The following LAMA2 variants were observed in gnomAD, a reference collection of about 807,000 sequenced individuals.
LAMA2 encodes the protein laminin subunit alpha 2, also known as laminin subunit alpha-2.
In LAMA2, 269 loss-of-function variants were observed where a neutral mutation model predicts 364.8. That is an observed-to-expected ratio of 0.74 (90% CI 0.67 to 0.82). The LOEUF is 0.82. Among genes scored for constraint, LAMA2 ranks in the 40% least tolerant of loss-of-function variants. The pLI is 0.00. For missense variants in LAMA2, 3,807 were observed against 3,873.2 expected (o/e 0.98, Z 0.45); for synonymous variants, 1,379 against 1,370.6 (o/e 1.01, Z -0.14).
chr6:129,349,357 G>A lies in LAMA2; in HGVS notation c.4496G>A (p.Arg1499Gln), dbSNP rs375100782. 8.1e-6 allele frequency: 13 copies of A among 1,613,500 alleles called. No homozygotes were observed. Among genetic ancestry groups the A allele is most frequent in the Admixed American group, 1.7e-5 (1 of 60,002 alleles). Residue 1499 changes from arginine to glutamine, a missense_variant, in exon 31 of 65, where the codon CGG becomes CAG. Transcript: ENST00000421865. ...GACTACCGCTGCACGGCTTGTCCAC[G>A]GGGATATGAAGGCCAGTACTGTGAA... is the stretch of plus-strand genomic sequence containing the variant. ...LDDYRCTACP[R>Q]GYEGQYCERC...
In LAMA2 at chr6:129,366,264, G is replaced by A. The variant is rs138765295; in HGVS notation, c.4763G>A (p.Arg1588His). The A allele has an allele frequency of 2.0e-5, 33 of 1,613,596 alleles. No individual in the cohort carries two copies. Among genetic ancestry groups the A allele is most frequent in the East Asian group, 4.5e-5 (2 of 44,878 alleles). ...GGCCTTCTTCTCGGTGACTTGGCTC[G>A]CCTGGAGCAGATGGTCATGAGCATC... ...CTGLLLGDLARLEQMVMSINL... is the reference protein window; with the variant it reads ...CTGLLLGDLAHLEQMVMSINL... The change falls in exon 33 of 65, where the codon CGC becomes CAC. Residue 1588 changes from arginine to histidine, a missense_variant. By Grantham distance (29) the Arg-to-His change is conservative. Around this residue, in one of 3 missense-constraint regions of LAMA2, gnomAD observed 3,333 missense variants for 3,345.7 expected, o/e 1.00. Transcript: ENST00000421865.
At chr6:129,059,129 G>A (rs1262335468) in intron 2 of LAMA2, among the ~76,000 whole-genome samples, 3 of 152,266 alleles carry the variant, frequency 2.0e-5, no homozygotes, top group East Asian at 3.9e-4. Context: ...AAGTAGATAC[G>A]GGAGTATCAG....
intron 1 of LAMA2, among the ~76,000 whole-genome samples, chr6:128,890,104 C>G (rs929405991): frequency 6.6e-6 from 1 of 152,178 alleles, no homozygotes; most frequent in Admixed American, 6.5e-5. Context: ...GTCCACTCAA[C>G]TGACCCCCGA....
intron 12 of LAMA2, among the ~76,000 whole-genome samples, chr6:129,227,710 C>T (rs903669372): frequency 1.3e-5 from 2 of 152,150 alleles, no homozygotes; most frequent in Non-Finnish European, 2.9e-5. Context: ...GAGGGGTACT[C>T]GGCCGTGTGG....
chr6:129,228,106 C>G lies in LAMA2; in HGVS notation c.1783-22006C>G, dbSNP rs578230711. ...GCTGGGCTAGCAATGAACAAGGCTC[C>G]GTAGGCATGGGACCCTCCGAGCCAG... On this transcript the variant is annotated intron_variant, in intron 12 of 64. Coordinates refer to ENST00000421865, the MANE Select transcript of LAMA2 (RefSeq NM_000426.4). Among the ~76,000 whole-genome samples the G allele has an allele frequency of 1.4e-4, 21 of 152,292 alleles. No individual in the cohort carries two copies. The South Asian group carries it at 1.7e-3, about 12-fold the overall frequency.
chr6:129,283,439 GTTC>G (rs1401504738), intron 18 of LAMA2, among the ~76,000 whole-genome samples: 1 of 151,876 alleles, frequency 6.6e-6, no homozygotes, highest in East Asian at 1.9e-4. Context: ...AGGCAGGCAA[GTTC>G]ATCTGGTGGA....
intron 1 of LAMA2, among the ~76,000 whole-genome samples, chr6:128,994,332 C>T (rs1317746117): frequency 6.6e-6 from 1 of 152,160 alleles, no homozygotes; most frequent in East Asian, 1.9e-4. Context: ...GATCATGGCA[C>T]CAGTCCTGAA....
At chr6:129,328,176 G>T in intron 28 of LAMA2, 102 bp from the exon 29 acceptor site, 1 of 994,660 alleles carries the variant, frequency 1.0e-6, no homozygotes. Context: ...CCTGCCGCAG[G>T]TGGGGGAAGG....
intron 1 of LAMA2, among the ~76,000 whole-genome samples, chr6:129,024,829 A>G (rs1238196159): frequency 6.6e-6 from 1 of 152,076 alleles, no homozygotes; most frequent in African/African-American, 2.4e-5. Context: ...TGCACATGTA[A>G]TCCCAGCTAC....
At chr6:128,943,561 G>A (rs1471582573) in intron 1 of LAMA2, among the ~76,000 whole-genome samples, 1 of 151,926 alleles carries the variant, frequency 6.6e-6, no homozygotes, top group Admixed American at 6.6e-5. Flanking sequence ...TCAATATGCT[G>A]AAATTATAGG....
chr6:129,503,302 G>T (rs1421582866), intron 60 of LAMA2, 22 bp downstream of exon 60: 31 of 1,604,220 alleles, frequency 1.9e-5, no homozygotes, highest in African/African-American at 2.7e-5. Context: ...CTGGATATTG[G>T]CAGTACCCTA....
At chr6:129,337,687 C>T (rs577947775) in intron 29 of LAMA2, among the ~76,000 whole-genome samples, 1 of 151,968 alleles carries the variant, frequency 6.6e-6, no homozygotes, top group African/African-American at 2.4e-5. Flanking sequence ...ATGTTATAGT[C>T]ATTTGATTTT....
intron 1 of LAMA2, among the ~76,000 whole-genome samples, chr6:128,924,228 G>A (rs1263595221): frequency 6.6e-6 from 1 of 151,954 alleles, no homozygotes; most frequent in Non-Finnish European, 1.5e-5. Flanking sequence ...ACACACATAT[G>A]TATTTATGTG....
chr6:129,377,686 T>C (rs1197693989), intron 34 of LAMA2, among the ~76,000 whole-genome samples: 1 of 152,202 alleles, frequency 6.6e-6, no homozygotes. Context: ...AGTCCACAAA[T>C]GCAAAGGTAG....
At chr6:128,961,340 TATATATATATATATATATATATA>T (rs1373324346) in intron 1 of LAMA2, among the ~76,000 whole-genome samples, 2 of 50,024 alleles carry the variant, frequency 4.0e-5, no homozygotes, top group African/African-American at 1.9e-4. Context: ...TATATATATA[TATATATATATATATATATATATA>T]TATATTAGTT....
chr6:129,306,357 T>C (rs1773874393), intron 22 of LAMA2, among the ~76,000 whole-genome samples: 1 of 150,132 alleles, frequency 6.7e-6, no homozygotes, highest in South Asian at 2.1e-4. Context: ...GTTTTTTTTT[T>C]TTCCGAAGAT....
At chr6:129,070,570 A>T (rs560845616) in intron 3 of LAMA2, among the ~76,000 whole-genome samples, 1 of 152,024 alleles carries the variant, frequency 6.6e-6, no homozygotes, top group East Asian at 1.9e-4. Context: ...TGTTGTCATG[A>T]TATCCTCCAG....
chr6:129,486,954 C>T (rs9385495), intron 56 of LAMA2, among the ~76,000 whole-genome samples: 95,523 of 151,662 alleles, frequency 0.63, 31,071 homozygotes, highest in Non-Finnish European at 0.72. Context: ...ATGCACACAG[C>T]AAAACTCACA....
At chr6:128,936,246 T>A (rs1582718891) in intron 1 of LAMA2, among the ~76,000 whole-genome samples, 1 of 152,244 alleles carries the variant, frequency 6.6e-6, no homozygotes, top group Non-Finnish European at 1.5e-5. Context: ...TACAGCACCC[T>A]TATCTTATTC....
Sources: gnomAD v4.1 joint callset for allele counts (sites outside exome capture counted in the v4.1 genomes callset) on GRCh38, gnomAD v4.1.1 for gene constraint, gnomAD v4.1.1 regional missense constraint, MANE v1.5 for transcripts, NCBI Gene and HGNC (gene_info 2026-07-23, HGNC 2026-07-21) for gene names.